The following SLCO2A1 variants were observed in gnomAD, a reference collection of about 807,000 sequenced individuals.
SLCO2A1 encodes the protein solute carrier organic anion transporter family member 2A1.
In SLCO2A1, 60 loss-of-function variants were observed where a neutral mutation model predicts 71.7. That is an observed-to-expected ratio of 0.84 (90% CI 0.68 to 1.04). The LOEUF is 1.04. SLCO2A1 is among the 50% of genes least tolerant of loss of function. The probability of loss-of-function intolerance (pLI) is 0.00; values close to 1 mark genes in which losing one functional copy is unlikely to be tolerated. For synonymous variants in SLCO2A1, 308 were observed against 326.7 expected (o/e 0.94, Z 0.62); for missense variants, 745 against 813.4 (o/e 0.92, Z 1.02).
rs550893451 is a variant in SLCO2A1 at position 133,960,847 on chromosome 3, G to C, written c.398-5654C>G. 1.1e-4 allele frequency among the ~76,000 whole-genome samples: 16 copies of C among 152,284 alleles called. No homozygotes were observed. In the South Asian group the frequency reaches 3.3e-3, roughly 32 times the overall value. ...ATTCTGGAGAAGGTTTCTGGAGAAAGTGGCCTCTGAACTGAGAAGAATCGA... is the reference window on the plus strand; with the variant it reads ...ATTCTGGAGAAGGTTTCTGGAGAAACTGGCCTCTGAACTGAGAAGAATCGA... On this transcript the variant is annotated intron_variant, in intron 3 of 13. Coordinates refer to ENST00000310926, the MANE Select transcript of SLCO2A1 (RefSeq NM_005630.3).
intron 1 of SLCO2A1, among the ~76,000 whole-genome samples, chr3:133,992,568 T>C (rs1934877249): frequency 6.6e-6 from 1 of 152,180 alleles, no homozygotes; most frequent in African/African-American, 2.4e-5. Context: ...CCGGCTTGAA[T>C]GTTGCCTTTT....
intron 5 of SLCO2A1, among the ~76,000 whole-genome samples, chr3:133,952,341 T>C (rs1933765277): frequency 1.3e-5 from 2 of 152,320 alleles, no homozygotes; most frequent in Admixed American, 6.5e-5. Context: ...AGCAGCATGG[T>C]TGCAACTAGC....
At chr3:133,950,047 G>C (rs1016378473) in intron 6 of SLCO2A1, among the ~76,000 whole-genome samples, 1 of 151,914 alleles carries the variant, frequency 6.6e-6, no homozygotes, top group Non-Finnish European at 1.5e-5. Context: ...GTTGCCCAGG[G>C]TGGTCTTGAA....
At chr3:133,988,841 A>G (rs1284883754) in intron 1 of SLCO2A1, among the ~76,000 whole-genome samples, 1 of 152,194 alleles carries the variant, frequency 6.6e-6, no homozygotes, top group African/African-American at 2.4e-5. Context: ...GAGACAGGAG[A>G]ACAGAGTCTG....
At chr3:133,963,830 C>T (rs1257469785) in intron 3 of SLCO2A1, among the ~76,000 whole-genome samples, 1 of 152,218 alleles carries the variant, frequency 6.6e-6, no homozygotes, top group Admixed American at 6.5e-5. Flanking sequence ...CTTATTTCCT[C>T]ATCTCCTAAA....
chr3:133,964,934 A>G (rs955869752), intron 3 of SLCO2A1, among the ~76,000 whole-genome samples: 1 of 152,194 alleles, frequency 6.6e-6, no homozygotes, highest in African/African-American at 2.4e-5. Flanking sequence ...TCGGCTCATC[A>G]TCAGAGCTGG....
chr3:133,948,381 G>C (rs532485089), intron 8 of SLCO2A1, among the ~76,000 whole-genome samples, 155 bp downstream of exon 8: 1 of 152,182 alleles, frequency 6.6e-6, no homozygotes, highest in Non-Finnish European at 1.5e-5. Flanking sequence ...TGCCAACCAG[G>C]AAAACTGTCC....
intron 2 of SLCO2A1, among the ~76,000 whole-genome samples, chr3:133,979,172 C>A (rs1392384157): frequency 6.6e-6 from 1 of 152,236 alleles, no homozygotes; most frequent in Non-Finnish European, 1.5e-5. Flanking sequence ...ACTTGTACTC[C>A]TGAGCCTCAG....
intron 10 of SLCO2A1, among the ~76,000 whole-genome samples, chr3:133,943,038 C>T (rs1933472147): frequency 6.6e-6 from 1 of 152,346 alleles, no homozygotes; most frequent in South Asian, 2.1e-4. Flanking sequence ...TCTGGATGCC[C>T]AGGAACACTG....
chr3:133,943,075 T>G (rs73861266), intron 10 of SLCO2A1, among the ~76,000 whole-genome samples: 4,349 of 152,340 alleles, frequency 0.029, 204 homozygotes, highest in African/African-American at 0.096. Context: ...ACCCCCAGCT[T>G]GGAGCCAGGG....
rs955652932 is a variant in SLCO2A1, at chr3:134,003,014, G to A, written c.97-23396C>T. ...ACACGGAGGGTCTGGCAGCACTGTC[G>A]GTGTGGGCCAGGAGCATTCCAGGAC... On this transcript the variant is annotated intron_variant, in intron 1 of 13. Coordinates refer to ENST00000310926, the MANE Select transcript of SLCO2A1 (RefSeq NM_005630.3). Among the ~76,000 whole-genome samples the A allele has an allele frequency of 2.7e-4, 41 of 152,170 alleles. 1 individual carries two copies. The highest frequency in any genetic ancestry group is 8.9e-4 in the African/African-American group (37 of 41,428).
intron 1 of SLCO2A1, among the ~76,000 whole-genome samples, chr3:133,986,622 G>A (rs1271181340): frequency 3.9e-5 from 6 of 152,214 alleles, no homozygotes; most frequent in African/African-American, 1.4e-4. Context: ...CGGGGAAACT[G>A]GAGTGGCCAC....
chr3:134,005,732 C>T (rs1318729756), intron 1 of SLCO2A1, among the ~76,000 whole-genome samples: 11 of 152,092 alleles, frequency 7.2e-5, no homozygotes, highest in African/African-American at 1.7e-4. Context: ...CCACCGGCCT[C>T]GGCCTCCCAA....
chr3:133,959,397 C>CAAAAAA (rs112457858), intron 3 of SLCO2A1, among the ~76,000 whole-genome samples: 109 of 123,956 alleles, frequency 8.8e-4, no homozygotes, highest in African/African-American at 3.0e-3. Flanking sequence ...TGGCTATTAC[C>CAAAAAA]AAAAAAAAAA....
intron 1 of SLCO2A1, among the ~76,000 whole-genome samples, chr3:133,994,093 T>C (rs560067642): frequency 5.9e-5 from 9 of 152,320 alleles, no homozygotes; most frequent in African/African-American, 2.2e-4. Flanking sequence ...ATTTATTTTC[T>C]TCCCATCAAC....
chr3:133,944,955 A>G, intron 10 of SLCO2A1, 140 bp downstream of exon 10: 3 of 1,013,002 alleles, frequency 3.0e-6, no homozygotes, highest in Non-Finnish European at 4.3e-6. Flanking sequence ...GATGTGGCTC[A>G]GAGGAGGCCA....
At chr3:133,992,676 A>G (rs1417165176) in intron 1 of SLCO2A1, among the ~76,000 whole-genome samples, 3 of 152,208 alleles carry the variant, frequency 2.0e-5, no homozygotes, top group Non-Finnish European at 4.4e-5. Context: ...GACATCAGAG[A>G]CTACAGTTGG....
At position 133,947,371 on chromosome 3, in the gene SLCO2A1, G is replaced by A. The variant is rs369996642; in HGVS notation, c.1180C>T (p.Leu394=). Residue 394 remains leucine (L), a synonymous_variant, in exon 9 of 14, where the codon CTA becomes TTA. Transcript: ENST00000310926. ...GTAGCTATGCGGGGAATGGCTTGTA[G>A]AGAGAAAACAAAGCGCTTCATGAGG... is the stretch of plus-strand genomic sequence containing the variant. ...GILMKRFVFS[L]QAIPRIATTI... The A allele has an allele frequency of 3.7e-6, 6 of 1,614,130 alleles. No individual in the cohort carries two copies. Among genetic ancestry groups the A allele is most frequent in the Non-Finnish European group, 5.1e-6 (6 of 1,180,020 alleles).
intron 3 of SLCO2A1, among the ~76,000 whole-genome samples, chr3:133,964,622 C>A (rs925652102): frequency 6.6e-6 from 1 of 152,208 alleles, no homozygotes; most frequent in Non-Finnish European, 1.5e-5. Context: ...GGAAAAGAAG[C>A]TCAGGGCAGT....
Sources: gnomAD v4.1 joint callset for allele counts (sites outside exome capture counted in the v4.1 genomes callset) on GRCh38, gnomAD v4.1.1 for gene constraint, MANE v1.5 for transcripts, NCBI Gene and HGNC (gene_info 2026-07-23, HGNC 2026-07-21) for gene names.